Variants in RYR2 observed in about 807,000 individuals in gnomAD.
RYR2 encodes ryanodine receptor 2.
Under a neutral mutation model 601.1 loss-of-function variants are expected in RYR2, and 227 were observed. The ratio of observed to expected loss-of-function variants is 0.38; its 90% CI spans 0.34 to 0.42. The LOEUF (loss-of-function observed/expected upper bound fraction) is 0.42, where lower values mean the gene tolerates loss of function less well. RYR2 is among the 10% of genes least tolerant of loss of function. The pLI, the probability that RYR2 is intolerant of heterozygous loss-of-function variation, is 1.00. For synonymous variants in RYR2, 2,223 were observed against 2,175.1 expected (o/e 1.02, Z -0.61); for missense variants, 4,646 against 6,156.5 (o/e 0.75, Z 8.21).
At chr1:237,165,580 G>A (rs957582782) in intron 1 of RYR2, among the ~76,000 whole-genome samples, 1 of 152,102 alleles carries the variant, frequency 6.6e-6, no homozygotes, top group Admixed American at 6.6e-5. Flanking sequence ...GTAATTAAGT[G>A]AGGCTGGGCA....
chr1:237,674,715 AT>A lies in RYR2; in HGVS notation c.8715-11del, dbSNP rs1296804519. The A allele has an allele frequency of 1.3e-6, 2 of 1,513,252 alleles. No homozygotes were observed. The highest frequency in any genetic ancestry group is 1.4e-5 in the African/African-American group (1 of 72,860). 93.7% of individuals were successfully genotyped at this position (1,513,252 alleles called of 1,614,324 possible). On this transcript the variant is annotated splice_polypyrimidine_tract_variant and intron_variant, in intron 59 of 104. Transcript: ENST00000366574. Reference sequence around the variant, plus strand: ...TTGTACAAATTGCTTTCCCATTTTCATTTTTGCTCTTCCAGAGGATTTAAGG... The same window carrying A: ...TTGTACAAATTGCTTTCCCATTTTCATTTTGCTCTTCCAGAGGATTTAAGG...
chr1:237,635,557 T>C (rs1003220655), intron 44 of RYR2, among the ~76,000 whole-genome samples: 9 of 152,184 alleles, frequency 5.9e-5, no homozygotes, highest in African/African-American at 2.2e-4. Flanking sequence ...TAGAGAAACT[T>C]TCCCTGTATT....
intron 1 of RYR2, among the ~76,000 whole-genome samples, chr1:237,063,433 TTA>T (rs908923952): frequency 6.6e-6 from 1 of 152,016 alleles, no homozygotes; most frequent in Non-Finnish European, 1.5e-5. Flanking sequence ...CCTTCAGTGT[TTA>T]CACTAGAGAT....
chr1:237,502,496 G>A (rs1425700892), intron 21 of RYR2, among the ~76,000 whole-genome samples: 1 of 152,130 alleles, frequency 6.6e-6, no homozygotes, highest in Non-Finnish European at 1.5e-5. Flanking sequence ...GGGGTTGAAG[G>A]TGGGGATGGT....
intron 44 of RYR2, 70 bp from the exon 45 acceptor site, chr1:237,638,287 T>G: frequency 6.3e-7 from 1 of 1,596,106 alleles, no homozygotes; most frequent in Non-Finnish European, 8.5e-7. Context: ...TGTCATTTAT[T>G]GTATCCAATG....
chr1:237,546,720 T>C (rs1023695945), intron 25 of RYR2, among the ~76,000 whole-genome samples: 6 of 152,030 alleles, frequency 3.9e-5, no homozygotes, highest in Non-Finnish European at 7.4e-5. Context: ...TGTATTATAG[T>C]AAAATAGAAG....
intron 67 of RYR2, 137 bp downstream of exon 67, chr1:237,705,480 G>T: frequency 4.2e-6 from 3 of 721,668 alleles, no homozygotes; most frequent in Non-Finnish European, 6.7e-6. Flanking sequence ...GTTATTGTTT[G>T]GTATTCTATG....
At chr1:237,499,347 T>C (rs760550300) in intron 20 of RYR2, among the ~76,000 whole-genome samples, 32 of 152,288 alleles carry the variant, frequency 2.1e-4, no homozygotes, top group Non-Finnish European at 2.9e-4. Flanking sequence ...TATAAAAAAA[T>C]CTTGGTGCTT....
intron 1 of RYR2, among the ~76,000 whole-genome samples, chr1:237,102,000 T>G (rs1366459485): frequency 6.6e-6 from 1 of 152,082 alleles, no homozygotes; most frequent in Non-Finnish European, 1.5e-5. Flanking sequence ...CTCTTGATGG[T>G]GAGTGTTATA....
rs540387696 is a variant in RYR2 at position 237,633,875 on chromosome 1, C to A, written c.6688+165C>A. ...ATATGAAAAAATACTCGACATCACT[C>A]ATCATCAGCAAAGTGCAAATTGAAA... On this transcript the variant is annotated intron_variant, in intron 43 of 104. Transcript: ENST00000366574. 1.1e-4 allele frequency among the ~76,000 whole-genome samples: 16 copies of A among 152,266 alleles called. 2 individuals carry two copies. The South Asian group carries it at 3.3e-3, about 32-fold the overall frequency.
intron 44 of RYR2, 131 bp downstream of exon 44, chr1:237,635,123 G>A (rs564308293): frequency 3.9e-5 from 24 of 607,670 alleles, no homozygotes; most frequent in East Asian, 1.1e-4. Flanking sequence ...GGCCAAAACC[G>A]CAATTAATTT....
At chr1:237,333,135 A>C (rs921267393) in intron 3 of RYR2, among the ~76,000 whole-genome samples, 1 of 152,236 alleles carries the variant, frequency 6.6e-6, no homozygotes, top group Non-Finnish European at 1.5e-5. Flanking sequence ...GTTGAACACT[A>C]TTTTATAAAG....
intron 60 of RYR2, among the ~76,000 whole-genome samples, chr1:237,675,085 G>A (rs1179103376): frequency 6.6e-6 from 1 of 151,988 alleles, no homozygotes; most frequent in African/African-American, 2.4e-5. Context: ...ATGTTTATTG[G>A]CATTTATTTG....
intron 52 of RYR2, 137 bp downstream of exon 52, chr1:237,654,551 AACT>A: frequency 1.2e-6 from 1 of 800,558 alleles, no homozygotes; most frequent in Middle Eastern, 3.3e-4. Flanking sequence ...CTCTTTTCTC[AACT>A]TCATAACAAA....
At chr1:237,800,417 A>G (rs1230975293) in intron 97 of RYR2, among the ~76,000 whole-genome samples, 1 of 152,104 alleles carries the variant, frequency 6.6e-6, no homozygotes, top group Non-Finnish European at 1.5e-5. Flanking sequence ...ACTTTATTTA[A>G]GGAAAAAAAA....
chr1:237,814,696 A>G (rs2149465228), intron 100 of RYR2, among the ~76,000 whole-genome samples: 1 of 152,160 alleles, frequency 6.6e-6, no homozygotes, highest in South Asian at 2.1e-4. Context: ...TAGAAAGATG[A>G]TTGTGGCTAG....
intron 16 of RYR2, among the ~76,000 whole-genome samples, chr1:237,461,268 C>G (rs1659451403): frequency 6.6e-6 from 1 of 152,202 alleles, no homozygotes; most frequent in East Asian, 1.9e-4. Flanking sequence ...TACTTCAGAT[C>G]TCAATGACAT....
intron 1 of RYR2, among the ~76,000 whole-genome samples, chr1:237,233,256 A>G (rs1685179652): frequency 6.6e-6 from 1 of 152,222 alleles, no homozygotes; most frequent in African/African-American, 2.4e-5. Flanking sequence ...ATTCATTTTT[A>G]TGCCTAAAAA....
At chr1:237,133,708 A>T (rs1672423307) in intron 1 of RYR2, among the ~76,000 whole-genome samples, 1 of 152,076 alleles carries the variant, frequency 6.6e-6, no homozygotes. Context: ...CGGGTGGATC[A>T]TGAGGTCAGA....
Sources: allele counts gnomAD v4.1 joint callset (sites outside exome capture counted in the v4.1 genomes callset), GRCh38; gene constraint gnomAD v4.1.1; transcripts MANE v1.5; gene names NCBI Gene and HGNC (gene_info 2026-07-23, HGNC 2026-07-21).